Variants in CAMTA1 observed in about 807,000 individuals in gnomAD.
CAMTA1 encodes the protein calmodulin-binding transcription activator 1.
In CAMTA1, 27 loss-of-function variants were observed where a neutral mutation model predicts 170.9. That is an observed-to-expected ratio of 0.16 (90% confidence interval 0.12 to 0.22). The LOEUF (loss-of-function observed/expected upper bound fraction) is 0.22, where lower values mean the gene tolerates loss of function less well. CAMTA1 is among the 10% of genes least tolerant of loss of function. The pLI is 1.00. For synonymous variants in CAMTA1, 833 were observed against 891.5 expected (o/e 0.93, Z 1.17); for missense variants, 1,619 against 2,217.2 (o/e 0.73, Z 5.42).
Position 7,435,689 on chromosome 1 carries a change from A to G in CAMTA1, c.439-32141A>G, listed in dbSNP as rs77423925. On this transcript the variant is annotated intron_variant, in intron 5 of 22. Coordinates refer to ENST00000303635, the MANE Select transcript of CAMTA1 (RefSeq NM_015215.4). The surrounding 1 kb of genome is among the most constrained non-coding windows in gnomAD (Gnocchi z 4.4). ...CAGGCAAGGGCTGGCCGCCGTTCTCATGGCTGAAGGGTACTCAGTTCCTAT... is the reference window on the plus strand; with the variant it reads ...CAGGCAAGGGCTGGCCGCCGTTCTCGTGGCTGAAGGGTACTCAGTTCCTAT... 0.035 allele frequency among the ~76,000 whole-genome samples: 5,292 copies of G among 152,186 alleles called. 308 individuals carry two copies. The highest frequency in any genetic ancestry group is 0.12 in the African/African-American group (4,992 of 41,486).
At chr1:7,198,486 G>A (rs1655996428) in intron 4 of CAMTA1, among the ~76,000 whole-genome samples, 1 of 152,078 alleles carries the variant, frequency 6.6e-6, no homozygotes, top group African/African-American at 2.4e-5. Context: ...TTCAGAAGGT[G>A]TCAGGAATGT....
chr1:6,872,905 G>A (rs900318335), intron 3 of CAMTA1, among the ~76,000 whole-genome samples: 4 of 152,182 alleles, frequency 2.6e-5, no homozygotes, highest in African/African-American at 4.8e-5. Flanking sequence ...TGCTAAATGA[G>A]TACTGAAATG....
chr1:7,709,319 G>A (rs1436984943), intron 11 of CAMTA1, among the ~76,000 whole-genome samples: 1 of 152,202 alleles, frequency 6.6e-6, no homozygotes, highest in African/African-American at 2.4e-5. Context: ...TATCCAGCGT[G>A]ATGCTACTCA....
Position 7,578,249 on chromosome 1 carries a change from G to C in CAMTA1, c.511-62151G>C, listed in dbSNP as rs148697384. The stretch of plus-strand genomic sequence containing the variant: ...CACCCAGGTGCCCTCTGTGGATCCT[G>C]TTGGAGGGGAGGACAGGGGCCGTGG... On this transcript the variant is annotated intron_variant, in intron 6 of 22. Coordinates refer to ENST00000303635, the MANE Select transcript of CAMTA1 (RefSeq NM_015215.4). Among the ~76,000 whole-genome samples, 7 of 152,350 alleles carry C rather than the reference G, an allele frequency of 4.6e-5. No individual in the cohort carries two copies. The East Asian group carries it at 1.3e-3, about 29-fold the overall frequency.
At chr1:6,802,740 CTT>C (rs575213311) in intron 1 of CAMTA1, among the ~76,000 whole-genome samples, 32 of 145,420 alleles carry the variant, frequency 2.2e-4, no homozygotes, top group South Asian at 6.5e-4. Context: ...CTCTCTCTCT[CTT>C]TTTTTTTTTT....
chr1:6,900,823 A>G (rs943383112), intron 3 of CAMTA1, among the ~76,000 whole-genome samples: 34 of 152,358 alleles, frequency 2.2e-4, no homozygotes, highest in African/African-American at 8.2e-4. Flanking sequence ...GTATTGAAAG[A>G]CTAAATAGTA....
At chr1:7,745,063 C>G (rs193113846) in intron 17 of CAMTA1, 41 bp downstream of exon 17, 1 of 1,543,444 alleles carries the variant, frequency 6.5e-7, no homozygotes, top group Non-Finnish European at 8.8e-7. Flanking sequence ...CATAGATTCC[C>G]GGATGTAATT....
intron 5 of CAMTA1, among the ~76,000 whole-genome samples, chr1:7,367,828 G>A (rs1180755442): frequency 1.3e-5 from 2 of 152,204 alleles, no homozygotes; most frequent in African/African-American, 2.4e-5. Flanking sequence ...GGCACTCATG[G>A]TTTCACTGGG....
chr1:7,182,410 C>A (rs1652361861), intron 4 of CAMTA1, among the ~76,000 whole-genome samples: 1 of 151,442 alleles, frequency 6.6e-6, no homozygotes, highest in Non-Finnish European at 1.5e-5. Flanking sequence ...GGAGGATCAC[C>A]TGAGCCTGGG....
chr1:7,388,921 T>C (rs901774455), intron 5 of CAMTA1, among the ~76,000 whole-genome samples: 2 of 152,206 alleles, frequency 1.3e-5, no homozygotes, highest in Non-Finnish European at 2.9e-5. Flanking sequence ...CTGCCTGGGC[T>C]GGTCTCCCCA....
chr1:7,485,904 T>C (rs759850481), intron 6 of CAMTA1, among the ~76,000 whole-genome samples: 2 of 152,226 alleles, frequency 1.3e-5, no homozygotes, highest in Non-Finnish European at 2.9e-5. Flanking sequence ...CCAGACCAGC[T>C]TCTCAGGCCA....
At chr1:7,334,813 G>A (rs2083252285) in intron 5 of CAMTA1, among the ~76,000 whole-genome samples, 1 of 152,136 alleles carries the variant, frequency 6.6e-6, no homozygotes, top group African/African-American at 2.4e-5. Context: ...AGCAGAATCT[G>A]AGAGCCAGCT....
At chr1:7,552,607 G>A (rs2094818197) in intron 6 of CAMTA1, among the ~76,000 whole-genome samples, 1 of 152,236 alleles carries the variant, frequency 6.6e-6, no homozygotes, top group African/African-American at 2.4e-5. Context: ...TGTGAGCCCT[G>A]TCCATCCCGG....
intron 4 of CAMTA1, among the ~76,000 whole-genome samples, chr1:7,155,920 C>T (rs377653497): frequency 6.6e-6 from 1 of 152,094 alleles, no homozygotes; most frequent in Non-Finnish European, 1.5e-5. Flanking sequence ...ATTTATGGGG[C>T]ATCTCTTCTA....
chr1:7,727,931 G>A (rs899920767), intron 11 of CAMTA1, among the ~76,000 whole-genome samples: 3 of 152,234 alleles, frequency 2.0e-5, no homozygotes, highest in African/African-American at 4.8e-5. Context: ...GCAACAGACC[G>A]CACTCCCTGG....
In CAMTA1 at chr1:7,673,968, G is replaced by A. The variant is rs533450640; in HGVS notation, c.2779+2931G>A. Among the ~76,000 whole-genome samples the A allele has an allele frequency of 1.3e-4, 20 of 152,216 alleles. 1 individual carries two copies. Among genetic ancestry groups the A allele is most frequent in the African/African-American group, 4.6e-4 (19 of 41,542 alleles). On this transcript the variant is annotated intron_variant, in intron 10 of 22. Transcript: ENST00000303635. The surrounding 1 kb of genome is among the most constrained non-coding windows in gnomAD (Gnocchi z 4.6). ...CAGTGCGCAAATGAATCACTGCTCC[G>A]GAGATGACGCTGGCTGCTTGGGGAC...
intron 4 of CAMTA1, among the ~76,000 whole-genome samples, chr1:7,198,966 C>A (rs1485589836): frequency 6.6e-6 from 1 of 152,206 alleles, no homozygotes; most frequent in Admixed American, 6.5e-5. Context: ...AAAGCACTTA[C>A]TCCCAGTTGA....
At chr1:6,869,735 A>G (rs1667843723) in intron 3 of CAMTA1, among the ~76,000 whole-genome samples, 1 of 152,196 alleles carries the variant, frequency 6.6e-6, no homozygotes, top group Admixed American at 6.5e-5. Context: ...CCATTTTGTC[A>G]GAACCACTAA....
At chr1:7,397,210 A>AATT (rs2089385356) in intron 5 of CAMTA1, among the ~76,000 whole-genome samples, 1 of 152,102 alleles carries the variant, frequency 6.6e-6, no homozygotes, top group Non-Finnish European at 1.5e-5. Context: ...TTCATAATTC[A>AATT]ATTTTATTAG....
Sources: allele counts gnomAD v4.1 joint callset (sites outside exome capture counted in the v4.1 genomes callset), GRCh38; gene constraint gnomAD v4.1.1; non-coding constraint Gnocchi (gnomAD v3.1); transcripts MANE v1.5; gene names NCBI Gene and HGNC (gene_info 2026-07-23, HGNC 2026-07-21).